Variants in ARB2A observed in about 807,000 individuals in gnomAD.
ARB2A encodes ARB2 cotranscriptional regulator A, also known as cotranscriptional regulator ARB2A.
the ARB2A span, chr5:93,784,418 C>T: frequency 6.2e-7 from 1 of 1,613,440 alleles, no homozygotes; most frequent in South Asian, 1.1e-5. Flanking sequence ...TTGCCAGCTT[C>T]TTGATGCCAC....
At chr5:93,619,518 G>C in the ARB2A span, 1 of 152,184 alleles carries the variant, frequency 6.6e-6, no homozygotes, top group Admixed American at 6.5e-5. Context: ...GCATTAGACA[G>C]TTCGAAGTCA....
chr5:94,039,437 T>G, the ARB2A span, among the ~76,000 whole-genome samples: 1 of 152,164 alleles, frequency 6.6e-6, no homozygotes, highest in Non-Finnish European at 1.5e-5. Context: ...ACTGCTACAC[T>G]GCCACCAGCA....
the ARB2A span, among the ~76,000 whole-genome samples, chr5:93,781,277 T>C: frequency 1.3e-5 from 2 of 152,222 alleles, no homozygotes; most frequent in Non-Finnish European, 2.9e-5. Flanking sequence ...TGACTTTCTG[T>C]TTCTGAGTGA....
chr5:93,927,371 C>G, the ARB2A span, among the ~76,000 whole-genome samples: 2 of 152,146 alleles, frequency 1.3e-5, no homozygotes, highest in Non-Finnish European at 2.9e-5. Context: ...TCTAACCTTG[C>G]TCATTCTTCC....
chr5:93,857,498 C>A, the ARB2A span, among the ~76,000 whole-genome samples: 1 of 152,118 alleles, frequency 6.6e-6, no homozygotes, highest in Non-Finnish European at 1.5e-5. Context: ...GGTGGGCGCC[C>A]CTCCCCGAGC....
chr5:93,859,616 A>G, the ARB2A span, among the ~76,000 whole-genome samples: 1 of 152,180 alleles, frequency 6.6e-6, no homozygotes, highest in South Asian at 2.1e-4. Flanking sequence ...CAAGTCAGTA[A>G]AAAAAGATTT....
the ARB2A span, among the ~76,000 whole-genome samples, chr5:93,839,527 T>C: frequency 6.6e-6 from 1 of 152,184 alleles, no homozygotes; most frequent in African/African-American, 2.4e-5. Flanking sequence ...AGGATGATGC[T>C]GGCCTTATAG....
At chr5:93,878,628 A>C in the ARB2A span, among the ~76,000 whole-genome samples, 1 of 151,826 alleles carries the variant, frequency 6.6e-6, no homozygotes, top group Non-Finnish European at 1.5e-5. Flanking sequence ...AGAATATATA[A>C]ATATATATAC....
the ARB2A span, among the ~76,000 whole-genome samples, chr5:93,926,411 G>A: frequency 1.8e-4 from 27 of 151,988 alleles, 1 homozygote; most frequent in Non-Finnish European, 3.1e-4. Context: ...GGGATTATAG[G>A]CATGAGCCAC....
chr5:93,930,005 G>A, the ARB2A span, among the ~76,000 whole-genome samples: 3,744 of 152,176 alleles, frequency 0.025, 76 homozygotes, highest in Non-Finnish European at 0.04. Context: ...TCACTTCAGC[G>A]CAATCTACAT....
chr5:94,106,221 C>G, the ARB2A span, among the ~76,000 whole-genome samples: 1 of 151,754 alleles, frequency 6.6e-6, no homozygotes, highest in African/African-American at 2.4e-5. Flanking sequence ...GAAAAAAATT[C>G]GCAAACTATG....
At chr5:93,962,745 A>G in the ARB2A span, among the ~76,000 whole-genome samples, 21 of 152,094 alleles carry the variant, frequency 1.4e-4, no homozygotes, top group Non-Finnish European at 2.8e-4. Context: ...CTAAGACAAA[A>G]TTCAGAGTTT....
chr5:93,620,911 G>C, the ARB2A span: 3 of 1,524,028 alleles, frequency 2.0e-6, no homozygotes, highest in South Asian at 3.6e-5. Flanking sequence ...GGGGCTGGGA[G>C]TCCGCTCGAC....
At chr5:93,974,986 A>G in the ARB2A span, among the ~76,000 whole-genome samples, 87 of 152,242 alleles carry the variant, frequency 5.7e-4, no homozygotes, top group African/African-American at 1.9e-3. Context: ...CATTCAGAGG[A>G]AAGTTTGTAG....
At chr5:93,676,290 C>T in the ARB2A span, among the ~76,000 whole-genome samples, 1 of 152,022 alleles carries the variant, frequency 6.6e-6, no homozygotes, top group Non-Finnish European at 1.5e-5. Flanking sequence ...CCCCTGAAGA[C>T]ATTTTACATT....
chr5:93,976,314 C>T, the ARB2A span, among the ~76,000 whole-genome samples: 1 of 152,102 alleles, frequency 6.6e-6, no homozygotes, highest in Non-Finnish European at 1.5e-5. Context: ...CAATATCATA[C>T]CGTACAGGCA....
chr5:93,681,395 T>C, the ARB2A span, among the ~76,000 whole-genome samples: 303 of 152,262 alleles, frequency 2.0e-3, 1 homozygote, highest in Non-Finnish European at 3.3e-3. Context: ...GAGATACTGC[T>C]TGTAAATTTC....
At chr5:93,770,036 T>A in the ARB2A span, among the ~76,000 whole-genome samples, 1 of 152,156 alleles carries the variant, frequency 6.6e-6, no homozygotes, top group East Asian at 1.9e-4. Flanking sequence ...CAAAGTCTAA[T>A]CAGTTAGTAG....
At chr5:94,041,923 C>T in the ARB2A span, among the ~76,000 whole-genome samples, 230 of 147,548 alleles carry the variant, frequency 1.6e-3, no homozygotes, top group Admixed American at 4.5e-3. Flanking sequence ...CTGAACTTAC[C>T]AAGATTTTTC....
Sources: gnomAD v4.1 joint callset for allele counts (sites outside exome capture counted in the v4.1 genomes callset) on GRCh38, gnomAD v4.1.1 for gene constraint, MANE v1.5 for transcripts, NCBI Gene and HGNC (gene_info 2026-07-23, HGNC 2026-07-21) for gene names.